ZNF747: variants seen among roughly 807,000 people sequenced by gnomAD.
The protein encoded by ZNF747 is zinc finger protein 747, also known as KRAB domain-containing protein ZNF747.
A neutral mutation model predicts 13.4 loss-of-function variants in ZNF747; 14 were observed. The ratio of observed to expected loss-of-function variants is 1.04; its 90% CI spans 0.69 to 1.63. The LOEUF (loss-of-function observed/expected upper bound fraction) is 1.63. ZNF747 is among the 40% of genes most tolerant of loss of function. The pLI, the probability that ZNF747 is intolerant of heterozygous loss-of-function variation, is 0.00. For missense variants in ZNF747, 532 were observed against 477.9 expected, an observed-to-expected ratio of 1.11 and a Z score of -1.05; for synonymous variants, 212 against 206.5, an observed-to-expected ratio of 1.03 and a Z score of -0.23.
chr16:30,534,561 G>A lies in ZNF747; in HGVS notation c.119C>T (p.Ala40Val), dbSNP rs1357533957. ...EWRKPGAVSFADVAVYFSREE... is the reference protein window; with the variant it reads ...EWRKPGAVSFVDVAVYFSREE... ...CCGGGAGAAGTACACGGCCACGTCG[G>A]CGAAGCTCACGGCCCCGGGCTTTCT... The change falls in exon 1 of 3, where the codon GCC becomes GTC. Residue 40 changes from alanine to valine, a missense_variant. Transcript: ENST00000693075. The A allele has an allele frequency of 1.9e-6, 3 of 1,606,398 alleles. No homozygotes were observed. The highest frequency in any genetic ancestry group is 2.7e-5 in the African/African-American group (2 of 74,802).
In ZNF747 at chr16:30,534,825, A is replaced by C; in HGVS notation, c.-146T>G. 8.0e-7 allele frequency: 1 copy of C among 1,253,322 alleles called. No individual in the cohort carries two copies. Among genetic ancestry groups the C allele is most frequent in the Non-Finnish European group, 1.1e-6 (1 of 934,574 alleles). The allele number at this position is 1,253,322 out of a possible 1,614,324, so 77.6% of individuals were successfully genotyped here. Reference sequence around the variant, plus strand: ...ACTAAGGGCCGATGGCTGCGAGTCCATGGTCAGAACTGGACGATGTCTTCA... The same window carrying C: ...ACTAAGGGCCGATGGCTGCGAGTCCCTGGTCAGAACTGGACGATGTCTTCA... On this transcript the variant is annotated 5_prime_UTR_variant, in exon 1 of 3. The change abolishes an upstream ATG in the 5' untranslated region. Transcript: ENST00000693075.
chr16:30,532,769 C>T lies in ZNF747; in HGVS notation c.726G>A (p.Glu242=), dbSNP rs756914802. The change falls in exon 3 of 3, where the codon GAG becomes GAA. Residue 242 remains glutamate (E), a synonymous_variant. Transcript: ENST00000693075. ...HRGERPHRCP[E]CGRAFMRRTA... is the part of the protein sequence containing the mutation. ...TGCGGCGCATGAAGGCCCGACCACA[C>T]TCGGGACAGCGGTGGGGCCGCTCCC... is the stretch of plus-strand genomic sequence containing the variant. The T allele has an allele frequency of 2.6e-6, 4 of 1,548,490 alleles. No homozygotes were observed. Among genetic ancestry groups the T allele is most frequent in the African/African-American group, 2.7e-5 (2 of 73,400 alleles).
In ZNF747 at chr16:30,532,737, A is replaced by G. The variant is rs1339422041; in HGVS notation, c.758T>C (p.Leu253Pro). The G allele has an allele frequency of 1.3e-6, 2 of 1,541,586 alleles. No individual in the cohort carries two copies. Among genetic ancestry groups the G allele is most frequent in the Non-Finnish European group, 1.7e-6 (2 of 1,147,168 alleles). Reference sequence around the variant, plus strand: ...AGTGTGAACGCGCAGGTGAGAAGTCAGCGCCGTGCGGCGCATGAAGGCCCG... The same window carrying G: ...AGTGTGAACGCGCAGGTGAGAAGTCGGCGCCGTGCGGCGCATGAAGGCCCG... ...CGRAFMRRTA[L>P]TSHLRVHTGE... Residue 253 changes from leucine to proline, a missense_variant, in exon 3 of 3, where the codon CTG becomes CCG. Physicochemically the swap from Leu to Pro is moderately conservative, Grantham distance 98 (BLOSUM62 -3). Transcript: ENST00000693075.
rs905420760 is a variant in ZNF747 at position 30,532,571 on chromosome 16, A to G, written c.924T>C (p.Thr308=). Residue 308 remains threonine, a synonymous_variant, in exon 3 of 3, where the codon ACT becomes ACC. Transcript: ENST00000693075. Reference sequence around the variant, plus strand: ...GCGGGTCCAGGTCCCCGCGGACAGGAGTCAGGGTCACAGACAGCCCCCCAG... The same window carrying G: ...GCGGGTCCAGGTCCCCGCGGACAGGGGTCAGGGTCACAGACAGCCCCCCAG... ...RRPGGLSVTL[T]PVRGDLDPPV... is the part of the protein sequence containing the mutation. 18 of 1,580,616 alleles carry G rather than the reference A, an allele frequency of 1.1e-5. No individual in the cohort carries two copies. The highest frequency in any genetic ancestry group is 4.1e-5 in the African/African-American group (3 of 74,010).
chr16:30,532,856 T>A lies in ZNF747; in HGVS notation c.639A>T (p.Ala213=), dbSNP rs545374258. The part of the protein sequence containing the change: ...SHRGEKPFHC[A]DCGKGFGHAS... Reference sequence around the variant, plus strand: ...CGTGGCCGAAGCCCTTGCCGCAGTCTGCGCAGTGGAAGGGCTTCTCGCCCC... The same window carrying A: ...CGTGGCCGAAGCCCTTGCCGCAGTCAGCGCAGTGGAAGGGCTTCTCGCCCC... The change falls in exon 3 of 3, where the codon GCA becomes GCT. Residue 213 remains alanine, a synonymous_variant. Coordinates refer to ENST00000693075, the MANE Select transcript of ZNF747 (RefSeq NM_001305018.2). 2.9e-5 allele frequency: 46 copies of A among 1,587,748 alleles called. No homozygotes were observed. The African/African-American group carries it at 3.6e-4, about 12-fold the overall frequency.
intron 2 of ZNF747, 25 bp from the exon 3 acceptor site, chr16:30,533,176 C>T: frequency 6.2e-7 from 1 of 1,611,920 alleles, no homozygotes; most frequent in Non-Finnish European, 8.5e-7. Context: ...GGCGAGAGTT[C>T]AGGCTTGGCT....
chr16:30,533,179 G>A, intron 2 of ZNF747, 28 bp from the exon 3 acceptor site: 1 of 1,611,916 alleles, frequency 6.2e-7, no homozygotes, highest in South Asian at 1.1e-5. Context: ...GAGAGTTCAG[G>A]CTTGGCTCAT....
Position 30,532,889 on chromosome 16 carries a change from G to A in ZNF747, c.606C>T (p.Tyr202=). Residue 202 remains tyrosine (Y), a synonymous_variant, in exon 3 of 3, where the codon TAC becomes TAT. Transcript: ENST00000693075. Reference sequence around the variant, plus strand: ...GGAAGGGCTTCTCGCCCCTGTGGCTGTAAATGTGCTCCACCAGTGTGGAGC... The same window carrying A: ...GGAAGGGCTTCTCGCCCCTGTGGCTATAAATGTGCTCCACCAGTGTGGAGC... ...AWRSTLVEHI[Y]SHRGEKPFHC... is the part of the protein sequence containing the mutation. 5 of 1,598,224 alleles carry A rather than the reference G, an allele frequency of 3.1e-6. No homozygotes were observed. Among genetic ancestry groups the A allele is most frequent in the South Asian group, 1.1e-5 (1 of 89,796 alleles).
rs1343295947 is a variant in ZNF747 at position 30,533,168 on chromosome 16, C to T, written c.344-17G>A. ...TGGAATCTGCTGAAAGATAAGGAGGCGAGAGTTCAGGCTTGGCTCATCCTG... is the reference window on the plus strand; with the variant it reads ...TGGAATCTGCTGAAAGATAAGGAGGTGAGAGTTCAGGCTTGGCTCATCCTG... On this transcript the variant is annotated splice_polypyrimidine_tract_variant and intron_variant, in intron 2 of 2. Coordinates refer to ENST00000693075, the MANE Select transcript of ZNF747 (RefSeq NM_001305018.2). 1 of 1,612,012 alleles carries T rather than the reference C, an allele frequency of 6.2e-7. No homozygotes were observed. Among genetic ancestry groups the T allele is most frequent in the African/African-American group, 1.3e-5 (1 of 74,950 alleles).
In ZNF747 at chr16:30,534,773, C is replaced by A. The variant is rs1296849357; in HGVS notation, c.-94G>T. ...GGGAAGGAGGGACGTCAGTAGAGCC[C>A]CCGAAGGCCCACTAGAGGGGATGGA... is the stretch of plus-strand genomic sequence containing the variant. On this transcript the variant is annotated 5_prime_UTR_variant, in exon 1 of 3. Transcript: ENST00000693075. 1.2e-5 allele frequency: 17 copies of A among 1,438,210 alleles called. No individual in the cohort carries two copies. Among genetic ancestry groups the A allele is most frequent in the Non-Finnish European group, 1.5e-5 (17 of 1,098,790 alleles). The allele number at this position is 1,438,210 out of a possible 1,614,324, so 89.1% of individuals were successfully genotyped here.
At position 30,532,495 on chromosome 16, in the gene ZNF747, G is replaced by A; in HGVS notation, c.*4C>T. Reference sequence around the variant, plus strand: ...CAATGTCTAGATGGTCACTTTTTAGGCCGTCACCCACATTCCTGGAATATC... The same window carrying A: ...CAATGTCTAGATGGTCACTTTTTAGACCGTCACCCACATTCCTGGAATATC... On this transcript the variant is annotated 3_prime_UTR_variant, in exon 3 of 3. Transcript: ENST00000693075. 1 of 1,601,994 alleles carries A rather than the reference G, an allele frequency of 6.2e-7. No homozygotes were observed. Among genetic ancestry groups the A allele is most frequent in the Non-Finnish European group, 8.5e-7 (1 of 1,176,176 alleles).
At position 30,534,222 on chromosome 16, in the gene ZNF747, C is replaced by G; in HGVS notation, c.318G>C (p.Ala106=). ...CTGGGTCCGCTTCTGTCGGACACTT[C>G]GCCACCTCCGGATCCTGGGCAGCCG... is the stretch of plus-strand genomic sequence containing the variant. The part of the protein sequence containing the change: ...WDPAAQDPEV[A]KCPTEADPAD... The change falls in exon 2 of 3, where the codon GCG becomes GCC. Residue 106 remains alanine (A), a synonymous_variant. Transcript: ENST00000693075. 1 of 1,609,126 alleles carries G rather than the reference C, an allele frequency of 6.2e-7. No homozygotes were observed. Among genetic ancestry groups the G allele is most frequent in the Non-Finnish European group, 8.5e-7 (1 of 1,177,940 alleles).
chr16:30,534,393 A>C, intron 1 of ZNF747, 58 bp downstream of exon 1: 1 of 1,557,012 alleles, frequency 6.4e-7, no homozygotes, highest in Non-Finnish European at 8.7e-7. Flanking sequence ...CGCAGCTCCC[A>C]GAGGCGCGGC....
chr16:30,532,023 C>T lies in ZNF747; in HGVS notation c.*476G>A, dbSNP rs2051382492. On this transcript the variant is annotated 3_prime_UTR_variant, in exon 3 of 3. Transcript: ENST00000693075. ...GTTAGCCGGGCATAGTGGCAGGTGC[C>T]TGTAATTCCAGCTACTTGGGTGGCT... 1 of 174,188 alleles carries T rather than the reference C, an allele frequency of 5.7e-6. No individual in the cohort carries two copies. Among genetic ancestry groups the T allele is most frequent in the African/African-American group, 2.4e-5 (1 of 41,540 alleles). 10.8% of individuals were successfully genotyped at this position (174,188 alleles called of 1,614,324 possible). A position where few individuals can be genotyped will look rare whatever the true frequency, so the allele number is the denominator to read the frequency against.
chr16:30,534,821 G>T lies in ZNF747; in HGVS notation c.-142C>A. On this transcript the variant is annotated 5_prime_UTR_variant, in exon 1 of 3. Transcript: ENST00000693075. ...GGAAACTAAGGGCCGATGGCTGCGA[G>T]TCCATGGTCAGAACTGGACGATGTC... is the stretch of plus-strand genomic sequence containing the variant. 7.9e-7 allele frequency: 1 copy of T among 1,269,116 alleles called. No individual in the cohort carries two copies. Among genetic ancestry groups the T allele is most frequent in the Non-Finnish European group, 1.1e-6 (1 of 948,766 alleles). The allele number at this position is 1,269,116 out of a possible 1,614,324, so 78.6% of individuals were successfully genotyped here.
Position 30,532,721 on chromosome 16 carries a change from G to C in ZNF747, c.774C>G (p.Arg258=). Residue 258 remains arginine, a synonymous_variant, in exon 3 of 3, where the codon CGC becomes CGG. Coordinates refer to ENST00000693075, the MANE Select transcript of ZNF747 (RefSeq NM_001305018.2). ...MRRTALTSHL[R]VHTGEKPYRC... is the part of the protein sequence containing the mutation. ...GGTAGGGCTTCTCGCCAGTGTGAACGCGCAGGTGAGAAGTCAGCGCCGTGC... is the reference window on the plus strand; with the variant it reads ...GGTAGGGCTTCTCGCCAGTGTGAACCCGCAGGTGAGAAGTCAGCGCCGTGC... 1 of 1,540,062 alleles carries C rather than the reference G, an allele frequency of 6.5e-7. No homozygotes were observed. Among genetic ancestry groups the C allele is most frequent in the Non-Finnish European group, 8.7e-7 (1 of 1,146,920 alleles).
rs547448403 is a variant in ZNF747 at position 30,532,625 on chromosome 16, G to A, written c.870C>T (p.Pro290=). 127 of 1,544,586 alleles carry A rather than the reference G, an allele frequency of 8.2e-5. 1 individual carries two copies. Among genetic ancestry groups the A allele is most frequent in the South Asian group, 5.6e-4 (47 of 84,486 alleles). ...GMAKHQWVHR[P]GGEGRRGRRP... Reference sequence around the variant, plus strand: ...GCCGGCCCCTACGCCCCTCGCCCCCGGGCCGATGGACCCATTGGTGCTTGG... The same window carrying A: ...GCCGGCCCCTACGCCCCTCGCCCCCAGGCCGATGGACCCATTGGTGCTTGG... Residue 290 remains proline (P), a synonymous_variant, in exon 3 of 3, where the codon CCC becomes CCT. Coordinates refer to ENST00000693075, the MANE Select transcript of ZNF747 (RefSeq NM_001305018.2).
At position 30,532,252 on chromosome 16, in the gene ZNF747, C is replaced by T. The variant is rs1274204758; in HGVS notation, c.*247G>A. The T allele has an allele frequency of 1.7e-6, 1 of 586,732 alleles. No homozygotes were observed. Among genetic ancestry groups the T allele is most frequent in the African/African-American group, 1.9e-5 (1 of 53,578 alleles). 36.3% of individuals were successfully genotyped at this position (586,732 alleles called of 1,614,324 possible). A position where few individuals can be genotyped will look rare whatever the true frequency, so the allele number is the denominator to read the frequency against. ...GGGAGGAGAAACAGCTTTTGCTTCC[C>T]TGTATGGAGGTCTGGGGGGTTCTCA... On this transcript the variant is annotated 3_prime_UTR_variant, in exon 3 of 3. Coordinates refer to ENST00000693075, the MANE Select transcript of ZNF747 (RefSeq NM_001305018.2).
rs1467948767 is a variant in ZNF747, at chr16:30,534,758, G to A, written c.-79C>T. On this transcript the variant is annotated 5_prime_UTR_variant, in exon 1 of 3. Transcript: ENST00000693075. ...CCGGCCCGGTACCAAGGGAAGGAGG[G>A]ACGTCAGTAGAGCCCCCGAAGGCCC... The A allele has an allele frequency of 6.2e-6, 9 of 1,446,430 alleles. No individual in the cohort carries two copies. Among genetic ancestry groups the A allele is most frequent in the Non-Finnish European group, 3.6e-6 (4 of 1,104,434 alleles). The allele number at this position is 1,446,430 out of a possible 1,614,324, so 89.6% of individuals were successfully genotyped here.
Sources: gnomAD v4.1 joint callset for allele counts on GRCh38, gnomAD v4.1.1 for gene constraint, MANE v1.5 for transcripts, NCBI Gene and HGNC (gene_info 2026-07-23, HGNC 2026-07-21) for gene names.